The following ATP5F1A variants were observed in gnomAD, a reference collection of about 807,000 sequenced individuals.
ATP5F1A encodes ATP synthase F1 subunit alpha, also known as ATP synthase F(1) complex subunit alpha, mitochondrial.
A neutral mutation model predicts 57.4 loss-of-function variants in ATP5F1A; 24 were observed. The ratio of observed to expected loss-of-function variants is 0.42; its 90% CI spans 0.30 to 0.59. The LOEUF (loss-of-function observed/expected upper bound fraction) is 0.59. Among genes scored for constraint, ATP5F1A ranks in the 20% least tolerant of loss-of-function variants. The probability of loss-of-function intolerance (pLI) is 0.19; values close to 1 mark genes in which losing one functional copy is unlikely to be tolerated. For missense variants in ATP5F1A, 494 were observed against 707.9 expected, an observed-to-expected ratio of 0.70 and a Z score of 3.43; for synonymous variants, 251 against 255.5, an observed-to-expected ratio of 0.98 and a Z score of 0.17.
chr18:46,103,719 G>A (rs934090978), intron 1 of ATP5F1A, among the ~76,000 whole-genome samples: 10 of 151,088 alleles, frequency 6.6e-5, no homozygotes, highest in South Asian at 2.1e-4. Flanking sequence ...TTCGAGACCA[G>A]CCTGGCCAAT....
At position 46,084,183 on chromosome 18, in the gene ATP5F1A, T is replaced by C; in HGVS notation, c.*99A>G. On this transcript the variant is annotated 3_prime_UTR_variant, in exon 12 of 12. Transcript: ENST00000398752. Reference sequence around the variant, plus strand: ...GAACCTTTATTTTTCATGTGATTTCTGTACATAAGGAGTATGAGAGTAACC... The same window carrying C: ...GAACCTTTATTTTTCATGTGATTTCCGTACATAAGGAGTATGAGAGTAACC... 1.1e-6 allele frequency: 1 copy of C among 925,538 alleles called. No homozygotes were observed. The highest frequency in any genetic ancestry group is 1.8e-5 in the South Asian group (1 of 54,938). The allele number at this position is 925,538 out of a possible 1,614,324, so 57.3% of individuals were successfully genotyped here.
intron 6 of ATP5F1A, 45 bp from the exon 7 acceptor site, chr18:46,087,537 A>G (rs1011755445): frequency 1.9e-6 from 3 of 1,592,792 alleles, no homozygotes; most frequent in African/African-American, 1.4e-5. Flanking sequence ...GTGGTTTTAA[A>G]TTGGAGGCTA....
intron 2 of ATP5F1A, 150 bp from the exon 3 acceptor site, chr18:46,092,001 G>A: frequency 1.8e-6 from 1 of 566,912 alleles, no homozygotes; most frequent in Non-Finnish European, 2.8e-6. Flanking sequence ...GGAGAACCCT[G>A]TCTCTACTAA....
chr18:46,086,584 C>A, intron 8 of ATP5F1A, 90 bp from the exon 9 acceptor site: 1 of 1,248,146 alleles, frequency 8.0e-7, no homozygotes, highest in Non-Finnish European at 1.1e-6. Flanking sequence ...AAAGCTGAAA[C>A]TCAAAACCTA....
chr18:46,084,631 C>T lies in ATP5F1A; in HGVS notation c.1453G>A (p.Val485Met). Residue 485 changes from valine (V) to methionine (M), a missense_variant, in exon 11 of 12, where the codon GTG becomes ATG. Coordinates refer to ENST00000398752, the MANE Select transcript of ATP5F1A (RefSeq NM_004046.6). Reference sequence around the variant, plus strand: ...CTTACACCCGCATAGATAACAGCCACTTGTTCTTCAATAGCCATGGGAGCT... The same window carrying T: ...CTTACACCCGCATAGATAACAGCCATTTGTTCTTCAATAGCCATGGGAGCT... ...QYSPMAIEEQVAVIYAGVRGY... is the reference protein window; with the variant it reads ...QYSPMAIEEQMAVIYAGVRGY... 6.3e-7 allele frequency: 1 copy of T among 1,589,850 alleles called. No homozygotes were observed. Among genetic ancestry groups the T allele is most frequent in the Non-Finnish European group, 8.5e-7 (1 of 1,173,164 alleles).
rs8097521 is a variant in ATP5F1A at position 46,086,986 on chromosome 18, C to A, written c.1176+22G>T. On this transcript the variant is annotated intron_variant, in intron 8 of 11. Transcript: ENST00000398752. ...ATTATCCAAATCTTTTTTAACATTT[C>A]TTTTAATCATTAAAATAATACCTGT... The A allele has an allele frequency of 0.41, 651,414 of 1,606,808 alleles. 136,043 individuals carry two copies. Among genetic ancestry groups the A allele is most frequent in the Middle Eastern group, 0.51 (3,077 of 6,040 alleles).
upstream of ATP5F1A, among the ~76,000 whole-genome samples, chr18:46,100,251 T>TAAAAAAAAAAAAAAAAAAAAAAAAAAAAA (rs34683117): frequency 2.6e-4 from 18 of 68,562 alleles, no homozygotes; most frequent in East Asian, 4.1e-4. Flanking sequence ...AAACTCCATC[T>TAAAAAAAAAAAAAAAAAAAAAAAAAAAAA]AAAAAAAAAA....
intron 2 of ATP5F1A, 109 bp from the exon 3 acceptor site, chr18:46,091,960 G>C: frequency 9.3e-7 from 1 of 1,079,660 alleles, no homozygotes; most frequent in Non-Finnish European, 1.3e-6. Context: ...ATCACCTAAG[G>C]GCAGGAGTTT....
intron 1 of ATP5F1A, among the ~76,000 whole-genome samples, chr18:46,097,112 T>G (rs1911023459): frequency 6.6e-6 from 1 of 152,058 alleles, no homozygotes; most frequent in African/African-American, 2.4e-5. Flanking sequence ...CACCTGGAAC[T>G]TCCTTCAGTT....
chr18:46,093,723 C>A (rs1910729713), intron 2 of ATP5F1A, among the ~76,000 whole-genome samples: 1 of 151,920 alleles, frequency 6.6e-6, no homozygotes, highest in Non-Finnish European at 1.5e-5. Context: ...ACTAGGGAAG[C>A]TGACTCAGGA....
intron 3 of ATP5F1A, 97 bp from the exon 4 acceptor site, chr18:46,090,093 G>GGGGGGGGC (rs1910451310): frequency 4.8e-6 from 2 of 414,296 alleles, no homozygotes; most frequent in Non-Finnish European, 8.6e-6. Flanking sequence ...GGTGGGGGGG[G>GGGGGGGGC]AAGCAGTATT....
At chr18:46,087,752 C>A in intron 6 of ATP5F1A, 1 of 453,444 alleles carries the variant, frequency 2.2e-6, no homozygotes, top group Non-Finnish European at 3.9e-6. Flanking sequence ...TGGTGGCATG[C>A]ACCTGTAATC....
At chr18:46,093,762 T>G (rs1910734136) in intron 2 of ATP5F1A, among the ~76,000 whole-genome samples, 1 of 151,968 alleles carries the variant, frequency 6.6e-6, no homozygotes, top group Non-Finnish European at 1.5e-5. Flanking sequence ...AGGTGGAGGT[T>G]GCAGTGAGCT....
upstream of ATP5F1A, among the ~76,000 whole-genome samples, chr18:46,099,889 A>G (rs1599797076): frequency 6.6e-6 from 1 of 152,142 alleles, no homozygotes; most frequent in Admixed American, 6.5e-5. Context: ...TTTCTCTAGT[A>G]TCCTACTCTT....
intron 10 of ATP5F1A, 144 bp downstream of exon 10, chr18:46,085,969 G>T: frequency 3.3e-5 from 28 of 850,158 alleles, no homozygotes; most frequent in Non-Finnish European, 4.6e-5. Context: ...AAAAACAAAT[G>T]TAGTTTAAGT....
chr18:46,096,218 T>C (rs2144216293), intron 1 of ATP5F1A, among the ~76,000 whole-genome samples: 1 of 149,510 alleles, frequency 6.7e-6, no homozygotes, highest in South Asian at 2.3e-4. Context: ...AAGCAACTAT[T>C]GGCAGGGCAC....
chr18:46,089,533 G>C (rs1226020915), intron 5 of ATP5F1A, 33 bp downstream of exon 5: 1 of 1,609,078 alleles, frequency 6.2e-7, no homozygotes. Context: ...GCAAATTTTA[G>C]TTAGAACTTT....
chr18:46,096,108 C>T (rs1040955512), intron 1 of ATP5F1A, among the ~76,000 whole-genome samples: 9 of 152,192 alleles, frequency 5.9e-5, no homozygotes, highest in South Asian at 2.1e-4. Context: ...AGGTTGATCT[C>T]GAACTCCTGA....
In ATP5F1A at chr18:46,080,706, T is replaced by A. The variant is rs1250055613; in HGVS notation, c.*3576A>T. 2 of 152,122 alleles carry A rather than the reference T, an allele frequency of 1.3e-5. No homozygotes were observed. The highest frequency in any genetic ancestry group is 2.9e-5 in the Non-Finnish European group (2 of 68,024). 9.4% of individuals were successfully genotyped at this position (152,122 alleles called of 1,614,324 possible). ...CTGACTGCAGCCTGTTTCAAACTCC[T>A]GGGCTCAAGTGATCGTCCCAAAGTG... is the stretch of plus-strand genomic sequence containing the variant. On this transcript the variant is annotated 3_prime_UTR_variant, in exon 12 of 12. Coordinates refer to ENST00000398752, the MANE Select transcript of ATP5F1A (RefSeq NM_004046.6).
Sources: allele counts gnomAD v4.1 joint callset (sites outside exome capture counted in the v4.1 genomes callset), GRCh38; gene constraint gnomAD v4.1.1; transcripts MANE v1.5; gene names NCBI Gene and HGNC (gene_info 2026-07-23, HGNC 2026-07-21).